The following TNFRSF8 variants were observed in gnomAD, a reference collection of about 807,000 sequenced individuals.
TNFRSF8 encodes TNF receptor superfamily member 8.
A neutral mutation model predicts 70.8 loss-of-function variants in TNFRSF8; 26 were observed. The ratio of observed to expected loss-of-function variants is 0.37; its 90% CI spans 0.27 to 0.51. The LOEUF (loss-of-function observed/expected upper bound fraction) is 0.51. TNFRSF8 is among the 20% of genes least tolerant of loss of function. The probability of loss-of-function intolerance (pLI) is 0.94; values close to 1 mark genes in which losing one functional copy is unlikely to be tolerated. For missense variants in TNFRSF8, 720 were observed against 807.9 expected (o/e 0.89, Z 1.32); for synonymous variants, 356 against 339.2 (o/e 1.05, Z -0.54).
intron 1 of TNFRSF8, chr1:12,080,597 G>T: frequency 2.9e-6 from 1 of 345,872 alleles, no homozygotes; most frequent in Non-Finnish European, 5.6e-6. Context: ...CACCCTTGTT[G>T]CCTAGGCTGG....
At chr1:12,117,787 C>T (rs1200334417) in intron 8 of TNFRSF8, among the ~76,000 whole-genome samples, 1 of 152,142 alleles carries the variant, frequency 6.6e-6, no homozygotes, top group Non-Finnish European at 1.5e-5. Context: ...GTATCCCTCA[C>T]CCAAATAGCA....
intron 14 of TNFRSF8, among the ~76,000 whole-genome samples, chr1:12,140,808 C>T (rs1008643328): frequency 1.3e-5 from 2 of 152,026 alleles, no homozygotes; most frequent in Admixed American, 1.3e-4. Flanking sequence ...TCACTTCCCT[C>T]CCACCTGACC....
chr1:12,101,466 G>A (rs937140365), intron 3 of TNFRSF8, among the ~76,000 whole-genome samples: 1 of 151,850 alleles, frequency 6.6e-6, no homozygotes, highest in Non-Finnish European at 1.5e-5. Flanking sequence ...CAGTAAGTAC[G>A]TAAACCAGCA....
chr1:12,130,916 C>G (rs1642035987), intron 12 of TNFRSF8, among the ~76,000 whole-genome samples: 2 of 152,226 alleles, frequency 1.3e-5, no homozygotes, highest in Non-Finnish European at 1.5e-5. Flanking sequence ...TGTTCTGGGT[C>G]TTTATCAAAA....
At chr1:12,070,578 C>T (rs912381946) in intron 1 of TNFRSF8, among the ~76,000 whole-genome samples, 1 of 152,080 alleles carries the variant, frequency 6.6e-6, no homozygotes, top group East Asian at 1.9e-4. Context: ...CTCCTGCCTG[C>T]GCCTCCTATT....
At chr1:12,125,224 T>C (rs1641916718) in intron 10 of TNFRSF8, among the ~76,000 whole-genome samples, 2 of 152,080 alleles carry the variant, frequency 1.3e-5, no homozygotes, top group South Asian at 4.1e-4. Flanking sequence ...TCTCTGTAAG[T>C]GACAAAAGGG....
Position 12,097,201 on chromosome 1 carries a change from C to T in TNFRSF8, c.252C>T (p.Cys84=), listed in dbSNP as rs375856469. The T allele has an allele frequency of 2.8e-5, 45 of 1,613,480 alleles. No homozygotes were observed. In the Admixed American group the frequency reaches 4.0e-4, roughly 14 times the overall value. Residue 84 remains cysteine, a synonymous_variant, in exon 3 of 15, where the codon TGC becomes TGT. Coordinates refer to ENST00000263932, the MANE Select transcript of TNFRSF8 (RefSeq NM_001243.5). ...ATGAGGCCGACCGCTGTACAGCCTG[C>T]GTGACTTGTTCTCGAGGTAAGGGCC... ...YLDEADRCTA[C]VTCSRDDLVE... is the part of the protein sequence containing the mutation.
chr1:12,086,314 A>T (rs971056968), intron 2 of TNFRSF8, among the ~76,000 whole-genome samples: 1 of 152,226 alleles, frequency 6.6e-6, no homozygotes, highest in East Asian at 1.9e-4. Flanking sequence ...GATTCAAAGT[A>T]TTCATTGTAT....
intron 8 of TNFRSF8, among the ~76,000 whole-genome samples, chr1:12,118,006 T>C (rs1385264616): frequency 6.6e-6 from 1 of 152,196 alleles, no homozygotes; most frequent in Non-Finnish European, 1.5e-5. Context: ...GTTCCATCCA[T>C]GTTGCTGCGA....
In TNFRSF8 at chr1:12,123,814, C is replaced by A. The variant is rs1243853079; in HGVS notation, c.1140C>A (p.Pro380=). The change falls in exon 10 of 15, where the codon CCC becomes CCA. Residue 380 remains proline, a synonymous_variant. Coordinates refer to ENST00000263932, the MANE Select transcript of TNFRSF8 (RefSeq NM_001243.5). ...APVALSSTGK[P]VLDAGPVLFW... ...TCGCTCTCTCCTCCACGGGGAAGCCCGTTCTGGATGCAGGTAATGGTCCCA... is the reference window on the plus strand; with the variant it reads ...TCGCTCTCTCCTCCACGGGGAAGCCAGTTCTGGATGCAGGTAATGGTCCCA... 3 of 1,567,810 alleles carry A rather than the reference C, an allele frequency of 1.9e-6. No homozygotes were observed. Among genetic ancestry groups the A allele is most frequent in the East Asian group, 2.4e-5 (1 of 42,318 alleles).
chr1:12,133,256 C>G (rs1038402515), intron 12 of TNFRSF8, among the ~76,000 whole-genome samples: 1 of 150,990 alleles, frequency 6.6e-6, no homozygotes, highest in Non-Finnish European at 1.5e-5. Context: ...TCTGCGATCC[C>G]GTTCACCCAC....
At chr1:12,123,157 C>A in intron 8 of TNFRSF8, 127 bp from the exon 9 acceptor site, 1 of 732,014 alleles carries the variant, frequency 1.4e-6, no homozygotes, top group Non-Finnish European at 2.2e-6. Flanking sequence ...TTTTGAAACA[C>A]AAATCTGACT....
rs193921033 is a variant in TNFRSF8, at chr1:12,104,381, G to A, written c.271G>A (p.Asp91Asn). The change falls in exon 4 of 15, where the codon GAC becomes AAC. Residue 91 changes from aspartate (D) to asparagine (N), a missense_variant and splice_region_variant. Coordinates refer to ENST00000263932, the MANE Select transcript of TNFRSF8 (RefSeq NM_001243.5). ...TGACCCCTGTCTGTGTCCCTTAGAC[G>A]ACCTCGTGGAGAAGACGCCGTGTGC... ...CTACVTCSRD[D>N]LVEKTPCAWN... 4 of 1,613,988 alleles carry A rather than the reference G, an allele frequency of 2.5e-6. No homozygotes were observed. The highest frequency in any genetic ancestry group is 1.1e-5 in the South Asian group (1 of 91,046).
intron 12 of TNFRSF8, among the ~76,000 whole-genome samples, chr1:12,130,682 G>A (rs762574889): frequency 5.3e-5 from 8 of 152,364 alleles, no homozygotes; most frequent in Non-Finnish European, 8.8e-5. Flanking sequence ...TGCTCCGTGA[G>A]CGTGGGCTTC....
rs1641929999 is a variant in TNFRSF8, at chr1:12,125,975, T to C, written c.1178T>C (p.Leu393Pro). 1 of 1,614,178 alleles carries C rather than the reference T, an allele frequency of 6.2e-7. No homozygotes were observed. The highest frequency in any genetic ancestry group is 8.5e-7 in the Non-Finnish European group (1 of 1,180,018). Reference protein sequence around the residue: ...DAGPVLFWVILVLVVVVGSSA... With the variant: ...DAGPVLFWVIPVLVVVVGSSA... Reference sequence around the variant, plus strand: ...GGGCCAGTGCTCTTCTGGGTGATCCTGGTGTTGGTTGTGGTGGTCGGCTCC... The same window carrying C: ...GGGCCAGTGCTCTTCTGGGTGATCCCGGTGTTGGTTGTGGTGGTCGGCTCC... The change falls in exon 11 of 15, where the codon CTG becomes CCG. Residue 393 changes from leucine (L) to proline (P), a missense_variant. Leu to Pro is a moderately conservative substitution (Grantham distance 98). Transcript: ENST00000263932.
Position 12,117,442 on chromosome 1 carries a change from A to G in TNFRSF8, c.946+1713A>G, listed in dbSNP as rs116028262. On this transcript the variant is annotated intron_variant, in intron 8 of 14. Transcript: ENST00000263932. Reference sequence around the variant, plus strand: ...ATATCCGGGGAAAGTTCGGGCCACTAGTGGGGTGCTGTCACTCTGTTTGTA... The same window carrying G: ...ATATCCGGGGAAAGTTCGGGCCACTGGTGGGGTGCTGTCACTCTGTTTGTA... 2.5e-3 allele frequency among the ~76,000 whole-genome samples: 386 copies of G among 152,260 alleles called. 2 individuals carry two copies. The highest frequency in any genetic ancestry group is 9.0e-3 in the African/African-American group (372 of 41,546).
chr1:12,131,450 A>C (rs1557604230), intron 12 of TNFRSF8, among the ~76,000 whole-genome samples: 1 of 152,206 alleles, frequency 6.6e-6, no homozygotes, highest in East Asian at 1.9e-4. Flanking sequence ...CCTCCGTCTC[A>C]AAACAAACAA....
At chr1:12,130,167 C>T (rs1234671775) in intron 12 of TNFRSF8, among the ~76,000 whole-genome samples, 1 of 152,214 alleles carries the variant, frequency 6.6e-6, no homozygotes, top group Non-Finnish European at 1.5e-5. Flanking sequence ...CTCGGCCTCC[C>T]AAAGTTCAGG....
intron 12 of TNFRSF8, among the ~76,000 whole-genome samples, chr1:12,130,119 G>C (rs544568569): frequency 6.6e-6 from 1 of 152,252 alleles, no homozygotes; most frequent in East Asian, 1.9e-4. Flanking sequence ...TGTTGGCCAG[G>C]CTGGTCTCGA....
Sources: allele counts gnomAD v4.1 joint callset (sites outside exome capture counted in the v4.1 genomes callset), GRCh38; gene constraint gnomAD v4.1.1; transcripts MANE v1.5; gene names NCBI Gene and HGNC (gene_info 2026-07-23, HGNC 2026-07-21).